ERAP1: variants seen among roughly 807,000 people sequenced by gnomAD.
ERAP1 encodes endoplasmic reticulum aminopeptidase 1.
Under a neutral mutation model 103.7 loss-of-function variants are expected in ERAP1, and 86 were observed. The observed-to-expected ratio is 0.83, with a 90% CI of 0.70 to 0.99. The LOEUF (loss-of-function observed/expected upper bound fraction) is 0.99. ERAP1 is among the 50% of genes least tolerant of loss of function. The probability of loss-of-function intolerance (pLI) is 0.00; values close to 1 mark genes in which losing one functional copy is unlikely to be tolerated. For missense variants in ERAP1, 1,009 were observed against 1,128.4 expected, an observed-to-expected ratio of 0.89 and a Z score of 1.52; for synonymous variants, 398 against 402.4, an observed-to-expected ratio of 0.99 and a Z score of 0.13.
the ERAP1 span, among the ~76,000 whole-genome samples, chr5:96,834,208 GAATCTCCTTCTCCAACAA>G: frequency 6.6e-6 from 1 of 152,326 alleles, no homozygotes; most frequent in Admixed American, 6.5e-5. Context: ...TCTGCCACAA[GAATCTCCTTCTCCAACAA>G]ATTAATTTCC....
At chr5:96,853,249 A>G in the ERAP1 span, among the ~76,000 whole-genome samples, 1 of 152,184 alleles carries the variant, frequency 6.6e-6, no homozygotes, top group Non-Finnish European at 1.5e-5. Flanking sequence ...TTCTCTAAAG[A>G]TAATATTGTA....
At chr5:96,886,329 T>C in the ERAP1 span, among the ~76,000 whole-genome samples, 1 of 152,262 alleles carries the variant, frequency 6.6e-6, no homozygotes, top group Non-Finnish European at 1.5e-5. Context: ...GAAGTTGAAT[T>C]GATGCCAGTG....
rs145230613 is a variant in ERAP1, at chr5:96,768,440, GAAGAA to G, written c.2819-5217_2819-5213del. ...ACGATGATATAGAGAACCTGAAAAT[GAAGAA>G]AAGAAAAAATGCCTATAATTCCACT... On this transcript the variant is annotated intron_variant, in intron 19 of 19. Transcript: ENST00000296754. 993 of 450,210 alleles carry G rather than the reference GAAGAA, an allele frequency of 2.2e-3. 8 individuals carry two copies. Among genetic ancestry groups the G allele is most frequent in the African/African-American group, 0.018 (902 of 49,304 alleles). 27.9% of individuals were successfully genotyped at this position (450,210 alleles called of 1,614,324 possible). A position where few individuals can be genotyped will look rare whatever the true frequency, so the allele number is the denominator to read the frequency against.
At chr5:96,802,919 A>G (rs1044414793) in intron 2 of ERAP1, among the ~76,000 whole-genome samples, 1 of 152,130 alleles carries the variant, frequency 6.6e-6, no homozygotes, top group African/African-American at 2.4e-5. Context: ...ATGGAGTACC[A>G]GGGATCCACG....
the ERAP1 span, among the ~76,000 whole-genome samples, chr5:96,848,271 A>G: frequency 0.048 from 7,266 of 152,178 alleles, 212 homozygotes; most frequent in South Asian, 0.11. Flanking sequence ...GGCTGGTCTC[A>G]AGCTCCTGAC....
In ERAP1 at chr5:96,788,555, C is replaced by T. The variant is rs762394161; in HGVS notation, c.1655G>A (p.Gly552Asp). The change falls in exon 11 of 19, where the codon GGC (glycine) becomes GAC (aspartate). Residue 552 changes from glycine (G) to aspartate (D), a missense_variant. By Grantham distance (94) the Gly-to-Asp change is moderately conservative (BLOSUM62 -1). Transcript: ENST00000443439. The stretch of plus-strand genomic sequence containing the variant: ...CCCAGTGTCCGGGGCGCCGTCAGAG[C>T]CCTTCATGTAGTGCTCTTGCTTCAT... ...VHMKQEHYMK[G>D]SDGAPDTGYL... The T allele has an allele frequency of 3.1e-6, 5 of 1,614,168 alleles. No homozygotes were observed. Among genetic ancestry groups the T allele is most frequent in the Non-Finnish European group, 4.2e-6 (5 of 1,180,034 alleles).
At chr5:96,765,146 T>C in intron 19 of ERAP1, 1 of 832,360 alleles carries the variant, frequency 1.2e-6, no homozygotes, top group Non-Finnish European at 2.0e-6. Flanking sequence ...CCTGAAAAGA[T>C]GGAGTTCCTG....
chr5:96,809,765 G>T (rs1779043767), upstream of ERAP1, among the ~76,000 whole-genome samples: 1 of 152,108 alleles, frequency 6.6e-6, no homozygotes, highest in East Asian at 1.9e-4. Context: ...ATCTCGGAGT[G>T]CTCCCAGTTT....
Position 96,763,135 on chromosome 5 carries a change from T to C in ERAP1, c.*65A>G, listed in dbSNP as rs376545277. On this transcript the variant is annotated 3_prime_UTR_variant, in exon 20 of 20. Transcript: ENST00000296754. ...GTAACTTTAGCGAAGTCAGCTATGC[T>C]TCCATTCCGTTTGATGTAGCATCAA... is the stretch of plus-strand genomic sequence containing the variant. The C allele has an allele frequency of 4.4e-5, 34 of 780,000 alleles. 2 individuals carry two copies. Among genetic ancestry groups the C allele is most frequent in the Admixed American group, 2.7e-4 (16 of 58,986 alleles). The allele number at this position is 780,000 out of a possible 1,614,324, so 48.3% of individuals were successfully genotyped here.
the ERAP1 span, among the ~76,000 whole-genome samples, chr5:96,855,312 A>G: frequency 6.6e-6 from 1 of 152,350 alleles, no homozygotes; most frequent in Admixed American, 6.5e-5. Flanking sequence ...ATGATAAGGA[A>G]TGTTCTAAAA....
At chr5:96,814,198 T>A in the ERAP1 span, 1 of 455,456 alleles carries the variant, frequency 2.2e-6, no homozygotes, top group Non-Finnish European at 4.4e-6. Flanking sequence ...TCATTGACTA[T>A]CGGATTGAGA....
chr5:96,762,505 G>A, exon 20 of ERAP1: 4 of 569,360 alleles, frequency 7.0e-6, no homozygotes, highest in South Asian at 5.9e-5. Flanking sequence ...TATTTCAGAA[G>A]AGCCGAGACT....
chr5:96,819,524 A>T, the ERAP1 span, among the ~76,000 whole-genome samples: 3 of 151,920 alleles, frequency 2.0e-5, no homozygotes, highest in Admixed American at 1.3e-4. Context: ...TGTGTGTGTG[A>T]GAGAGAGAGA....
the ERAP1 span, among the ~76,000 whole-genome samples, chr5:96,815,323 T>A: frequency 6.6e-6 from 1 of 152,152 alleles, no homozygotes; most frequent in East Asian, 1.9e-4. Flanking sequence ...AAAGTTTATG[T>A]CACTAATTTG....
At chr5:96,831,848 A>G in the ERAP1 span, among the ~76,000 whole-genome samples, 2 of 152,224 alleles carry the variant, frequency 1.3e-5, no homozygotes, top group African/African-American at 4.8e-5. Context: ...TGCCCATTGC[A>G]GACTTTGCTG....
chr5:96,912,651 T>G, the ERAP1 span: 6 of 1,609,134 alleles, frequency 3.7e-6, no homozygotes, highest in Non-Finnish European at 3.4e-6. Context: ...CCAACAGATG[T>G]TTTAAAGATT....
chr5:96,767,582 T>C, intron 19 of ERAP1: 2 of 816,322 alleles, frequency 2.5e-6, no homozygotes, highest in East Asian at 2.5e-5. Context: ...ATGCCTACTC[T>C]GTGCCTGGTA....
the ERAP1 span, among the ~76,000 whole-genome samples, chr5:96,905,917 T>C: frequency 6.6e-6 from 1 of 150,864 alleles, no homozygotes. Context: ...ACATTTAGTT[T>C]GGAGAGATAA....
chr5:96,929,467 CCTTT>C, the ERAP1 span, among the ~76,000 whole-genome samples: 6 of 127,164 alleles, frequency 4.7e-5, no homozygotes, highest in Non-Finnish European at 7.2e-5. Flanking sequence ...TTCCTTCCTT[CCTTT>C]TTTTTCTTCC....
Sources: gnomAD v4.1 joint callset for allele counts (sites outside exome capture counted in the v4.1 genomes callset) on GRCh38, gnomAD v4.1.1 for gene constraint, MANE v1.5 for transcripts, NCBI Gene and HGNC (gene_info 2026-07-23, HGNC 2026-07-21) for gene names.